ANKS1B: variants seen among roughly 807,000 people sequenced by gnomAD.
ANKS1B encodes the protein ankyrin repeat and sterile alpha motif domain containing 1B.
A neutral mutation model predicts 148.3 loss-of-function variants in ANKS1B; 36 were observed. That is an observed-to-expected ratio of 0.24 (90% CI 0.19 to 0.32). The LOEUF (loss-of-function observed/expected upper bound fraction) is 0.32, where lower values mean the gene tolerates loss of function less well. Among genes scored for constraint, ANKS1B ranks in the 10% least tolerant of loss-of-function variants. The pLI, the probability that ANKS1B is intolerant of heterozygous loss-of-function variation, is 1.00. For missense variants in ANKS1B, 1,157 were observed against 1,542.6 expected, an observed-to-expected ratio of 0.75 and a Z score of 4.19; for synonymous variants, 542 against 560.8, an observed-to-expected ratio of 0.97 and a Z score of 0.47.
chr12:99,478,227 G>A (rs1387788571), intron 10 of ANKS1B, among the ~76,000 whole-genome samples: 1 of 151,930 alleles, frequency 6.6e-6, no homozygotes, highest in Non-Finnish European at 1.5e-5. Context: ...TGTTGAGAGG[G>A]GTCTAGAAAT....
intron 14 of ANKS1B, among the ~76,000 whole-genome samples, chr12:99,171,347 C>G (rs1184076378): frequency 6.6e-6 from 1 of 152,104 alleles, no homozygotes; most frequent in Non-Finnish European, 1.5e-5. Flanking sequence ...GATAGCCATT[C>G]TGAAATTCAA....
chr12:98,922,133 C>G (rs530500259), intron 17 of ANKS1B, among the ~76,000 whole-genome samples: 1 of 152,176 alleles, frequency 6.6e-6, no homozygotes, highest in African/African-American at 2.4e-5. Flanking sequence ...TGTTTGAGAA[C>G]TGTATTTTTC....
intron 14 of ANKS1B, among the ~76,000 whole-genome samples, chr12:99,171,727 C>CTATATA (rs2077780239): frequency 6.6e-6 from 1 of 152,072 alleles, no homozygotes; most frequent in Admixed American, 6.6e-5. Flanking sequence ...TAGGCCATAC[C>CTATATA]TGATTGGAAA....
chr12:99,718,314 G>A (rs1277978591), intron 8 of ANKS1B, among the ~76,000 whole-genome samples: 2 of 152,058 alleles, frequency 1.3e-5, no homozygotes, highest in African/African-American at 4.8e-5. Context: ...GACTACAGCT[G>A]TATCTCATTG....
At chr12:99,023,800 TATATA>T (rs2099947197) in intron 17 of ANKS1B, among the ~76,000 whole-genome samples, 1 of 149,968 alleles carries the variant, frequency 6.7e-6, no homozygotes, top group Non-Finnish European at 1.5e-5. Context: ...CATACACACA[TATATA>T]ATATATATAT....
At chr12:99,545,764 T>A (rs1017635088) in intron 9 of ANKS1B, among the ~76,000 whole-genome samples, 1 of 136,480 alleles carries the variant, frequency 7.3e-6, no homozygotes, top group Non-Finnish European at 1.6e-5. Context: ...ATATATATAT[T>A]TTACACATAT....
intron 22 of ANKS1B, among the ~76,000 whole-genome samples, 199 bp from the exon 23 acceptor site, chr12:98,782,336 C>T (rs767981155): frequency 2.0e-5 from 3 of 152,168 alleles, no homozygotes; most frequent in African/African-American, 4.8e-5. Context: ...AGGCTTTCAC[C>T]GGCCCCTTTC....
At position 99,061,650 on chromosome 12, in the gene ANKS1B, G is replaced by A. The variant is rs550955288; in HGVS notation, c.2626-8341C>T. On this transcript the variant is annotated intron_variant, in intron 16 of 26. Transcript: ENST00000683438. ...TATTATATGAGAGAAATTAATATTC[G>A]ATTCTTTAAACCACTATATTATGAA... 2.6e-5 allele frequency among the ~76,000 whole-genome samples: 4 copies of A among 152,238 alleles called. No individual in the cohort carries two copies. The South Asian group carries it at 6.2e-4, about 24-fold the overall frequency.
At chr12:99,404,168 A>G (rs1163716977) in intron 11 of ANKS1B, among the ~76,000 whole-genome samples, 2 of 145,924 alleles carry the variant, frequency 1.4e-5, no homozygotes, top group African/African-American at 5.2e-5. Context: ...TACTGGGCCT[A>G]TTGGAGAGTG....
chr12:98,897,213 A>G (rs757055488), intron 17 of ANKS1B, among the ~76,000 whole-genome samples: 1 of 152,182 alleles, frequency 6.6e-6, no homozygotes, highest in Non-Finnish European at 1.5e-5. Flanking sequence ...AAATCGGTTC[A>G]TACTCTAAAT....
intron 15 of ANKS1B, among the ~76,000 whole-genome samples, chr12:99,143,669 T>C (rs1336072409): frequency 6.6e-6 from 1 of 152,148 alleles, no homozygotes; most frequent in Non-Finnish European, 1.5e-5. Flanking sequence ...GAAGGTCTCA[T>C]GGTCTGAGAA....
At chr12:99,291,685 T>C (rs1017063217) in intron 12 of ANKS1B, among the ~76,000 whole-genome samples, 1 of 151,946 alleles carries the variant, frequency 6.6e-6, no homozygotes, top group Non-Finnish European at 1.5e-5. Context: ...AAACTGGATA[T>C]CCTTATGCAG....
At chr12:99,242,164 C>T (rs1201473158) in intron 14 of ANKS1B, among the ~76,000 whole-genome samples, 2 of 152,172 alleles carry the variant, frequency 1.3e-5, no homozygotes, top group South Asian at 4.1e-4. Flanking sequence ...AGCCCAAAAT[C>T]TCCTTAAGCT....
intron 17 of ANKS1B, among the ~76,000 whole-genome samples, chr12:99,000,268 CTTTTTTT>C (rs905457820): frequency 8.0e-6 from 1 of 125,470 alleles, no homozygotes; most frequent in Non-Finnish European, 1.6e-5. Flanking sequence ...TTTCTTTTTC[CTTTTTTT>C]TTTTTTTTTT....
chr12:98,798,833 C>T (rs2098975532), intron 22 of ANKS1B, 101 bp downstream of exon 22: 2 of 964,088 alleles, frequency 2.1e-6, no homozygotes, highest in African/African-American at 3.3e-5. Context: ...TTCAGCAGAC[C>T]AACAGATGGA....
intron 10 of ANKS1B, among the ~76,000 whole-genome samples, chr12:99,473,191 A>T (rs563739812): frequency 6.6e-6 from 1 of 152,138 alleles, no homozygotes; most frequent in South Asian, 2.1e-4. Flanking sequence ...TGTCACAGAC[A>T]TATTGTGTTT....
chr12:99,328,145 G>T (rs2086836474), intron 12 of ANKS1B, among the ~76,000 whole-genome samples: 1 of 151,936 alleles, frequency 6.6e-6, no homozygotes, highest in Non-Finnish European at 1.5e-5. Flanking sequence ...TGAAAAGCAG[G>T]AAATGAAGGG....
intron 12 of ANKS1B, among the ~76,000 whole-genome samples, chr12:99,396,345 G>A (rs1374691350): frequency 1.3e-5 from 2 of 152,188 alleles, no homozygotes; most frequent in Admixed American, 6.5e-5. Context: ...ATATGTGTAA[G>A]CTAATAAAAT....
chr12:99,775,374 T>C (rs1371358972), intron 7 of ANKS1B, among the ~76,000 whole-genome samples, 174 bp downstream of exon 7: 3 of 152,064 alleles, frequency 2.0e-5, no homozygotes, highest in Non-Finnish European at 4.4e-5. Flanking sequence ...GCAGGGATAG[T>C]TTTCTGCTTT....
Sources: gnomAD v4.1 joint callset for allele counts (sites outside exome capture counted in the v4.1 genomes callset) on GRCh38, gnomAD v4.1.1 for gene constraint, MANE v1.5 for transcripts, NCBI Gene and HGNC (gene_info 2026-07-23, HGNC 2026-07-21) for gene names.